The following ANKS1B variants were observed in gnomAD, a reference collection of about 807,000 sequenced individuals.
The protein encoded by ANKS1B is ankyrin repeat and sterile alpha motif domain-containing protein 1B.
ANKS1B carries 36 observed loss-of-function variants against 148.3 expected under a neutral mutation model. The ratio of observed to expected loss-of-function variants is 0.24; its 90% CI spans 0.19 to 0.32. The LOEUF (loss-of-function observed/expected upper bound fraction) is 0.32, where lower values mean the gene tolerates loss of function less well. Ranked by LOEUF, ANKS1B falls within the 10% of genes least tolerant of loss-of-function variation. The pLI is 1.00. For synonymous variants in ANKS1B, 542 were observed against 560.8 expected (o/e 0.97, Z 0.47); for missense variants, 1,157 against 1,542.6 (o/e 0.75, Z 4.19).
chr12:99,405,983 TATC>T (rs949321359), intron 11 of ANKS1B, among the ~76,000 whole-genome samples: 3 of 145,386 alleles, frequency 2.1e-5, no homozygotes, highest in African/African-American at 7.8e-5. Flanking sequence ...AAGAAGATGA[TATC>T]ATAATTTCAA....
chr12:99,452,147 C>T (rs2095752747), intron 10 of ANKS1B, among the ~76,000 whole-genome samples: 1 of 152,062 alleles, frequency 6.6e-6, no homozygotes. Context: ...ACTCTACTCT[C>T]TTTGGGTAGC....
At chr12:99,663,126 T>C (rs997205046) in intron 8 of ANKS1B, among the ~76,000 whole-genome samples, 1 of 152,162 alleles carries the variant, frequency 6.6e-6, no homozygotes, top group African/African-American at 2.4e-5. Context: ...AAGGGCTTAA[T>C]GGGGCACTAA....
At chr12:99,017,878 G>A (rs895960819) in intron 17 of ANKS1B, among the ~76,000 whole-genome samples, 1 of 152,154 alleles carries the variant, frequency 6.6e-6, no homozygotes, top group African/African-American at 2.4e-5. Context: ...CGGGATGGGA[G>A]GTTGAACTAG....
intron 12 of ANKS1B, among the ~76,000 whole-genome samples, chr12:99,326,345 A>G (rs1428690674): frequency 6.6e-6 from 1 of 152,078 alleles, no homozygotes. Context: ...AGGTAGCCAA[A>G]GCATTAGCAG....
At chr12:99,372,572 A>G (rs971513418) in intron 12 of ANKS1B, among the ~76,000 whole-genome samples, 2 of 152,114 alleles carry the variant, frequency 1.3e-5, no homozygotes, top group Admixed American at 6.5e-5. Flanking sequence ...TTCCATCCTC[A>G]TTTCAAATCC....
At chr12:98,911,243 G>A (rs1371041647) in intron 17 of ANKS1B, among the ~76,000 whole-genome samples, 1 of 152,134 alleles carries the variant, frequency 6.6e-6, no homozygotes, top group Admixed American at 6.6e-5. Context: ...GCCTCACTGA[G>A]AAACAGCTGT....
chr12:98,768,603 G>A (rs553300173), intron 25 of ANKS1B, among the ~76,000 whole-genome samples: 3 of 151,562 alleles, frequency 2.0e-5, no homozygotes, highest in Non-Finnish European at 2.9e-5. Flanking sequence ...GCGTGCTGGC[G>A]GGTGCCTGTA....
intron 9 of ANKS1B, among the ~76,000 whole-genome samples, chr12:99,628,618 T>C (rs2098131011): frequency 6.6e-6 from 1 of 152,180 alleles, no homozygotes; most frequent in African/African-American, 2.4e-5. Flanking sequence ...GCTATTAGTA[T>C]AACAGAATAC....
intron 8 of ANKS1B, among the ~76,000 whole-genome samples, chr12:99,695,119 A>G (rs1266787054): frequency 6.6e-6 from 1 of 152,202 alleles, no homozygotes; most frequent in Non-Finnish European, 1.5e-5. Flanking sequence ...AGCTCTGTTT[A>G]TAATCAAAAA....
chr12:99,911,305 C>G (rs2093998262), intron 1 of ANKS1B, among the ~76,000 whole-genome samples: 1 of 152,136 alleles, frequency 6.6e-6, no homozygotes, highest in African/African-American at 2.4e-5. Flanking sequence ...AAAGCTGAAA[C>G]CCAGACCGCA....
At chr12:99,715,002 T>C (rs2153541991) in intron 8 of ANKS1B, among the ~76,000 whole-genome samples, 1 of 150,600 alleles carries the variant, frequency 6.6e-6, no homozygotes, top group South Asian at 2.1e-4. Context: ...GGTGGCAGGT[T>C]CCTGTAATCC....
chr12:98,810,743 A>G (rs2099088568), intron 19 of ANKS1B, among the ~76,000 whole-genome samples: 1 of 152,238 alleles, frequency 6.6e-6, no homozygotes, highest in Admixed American at 6.5e-5. Flanking sequence ...CCTGATGGGC[A>G]CAAGGCCATT....
intron 17 of ANKS1B, among the ~76,000 whole-genome samples, chr12:98,846,950 A>G (rs1310588685): frequency 6.6e-6 from 1 of 152,198 alleles, no homozygotes; most frequent in Admixed American, 6.5e-5. Context: ...TTCCAGTATG[A>G]CTGACATGTA....
chr12:98,767,436 A>G (rs1227455756), intron 25 of ANKS1B, among the ~76,000 whole-genome samples: 2 of 151,496 alleles, frequency 1.3e-5, no homozygotes, highest in Admixed American at 6.6e-5. Flanking sequence ...CCCACCCTGC[A>G]CCACGTCTTC....
intron 9 of ANKS1B, among the ~76,000 whole-genome samples, chr12:99,634,419 C>T (rs1015256469): frequency 2.1e-4 from 32 of 152,148 alleles, no homozygotes; most frequent in African/African-American, 7.7e-4. Flanking sequence ...GACTTCTCAA[C>T]CTCAGAACTA....
chr12:98,890,176 T>C (rs993636938), intron 17 of ANKS1B, among the ~76,000 whole-genome samples: 2 of 152,106 alleles, frequency 1.3e-5, no homozygotes, highest in African/African-American at 2.4e-5. Context: ...ACGCTGAAAT[T>C]TAAGAGACTA....
At chr12:99,012,401 G>A (rs769099822) in intron 17 of ANKS1B, among the ~76,000 whole-genome samples, 1 of 152,090 alleles carries the variant, frequency 6.6e-6, no homozygotes, top group Non-Finnish European at 1.5e-5. Context: ...AAATCTGTGT[G>A]ATGCTATAGT....
At chr12:98,772,937 G>A (rs866072557) in intron 25 of ANKS1B, 105 bp downstream of exon 25, 224 of 1,297,198 alleles carry the variant, frequency 1.7e-4, no homozygotes, top group Middle Eastern at 9.7e-4. Flanking sequence ...TCTTAATACC[G>A]GGTAAACAAG....
At chr12:99,486,218 T>C (rs2096486549) in intron 10 of ANKS1B, among the ~76,000 whole-genome samples, 1 of 151,918 alleles carries the variant, frequency 6.6e-6, no homozygotes, top group Non-Finnish European at 1.5e-5. Flanking sequence ...ATATTCCTTT[T>C]TTCCCCTAAA....
Sources: allele counts gnomAD v4.1 joint callset (sites outside exome capture counted in the v4.1 genomes callset), GRCh38; gene constraint gnomAD v4.1.1; transcripts MANE v1.5; gene names NCBI Gene and HGNC (gene_info 2026-07-23, HGNC 2026-07-21).